ENO3: variants seen among roughly 807,000 people sequenced by gnomAD.
ENO3 encodes beta-enolase.
ENO3 carries 46 observed loss-of-function variants against 47.7 expected under a neutral mutation model. That is an observed-to-expected ratio of 0.96 (90% CI 0.76 to 1.23). The LOEUF is 1.23. ENO3 is among the 50% of genes most tolerant of loss of function. The pLI is 0.00. For missense variants in ENO3, 575 were observed against 566.2 expected, an observed-to-expected ratio of 1.02 and a Z score of -0.16; for synonymous variants, 223 against 225.9, an observed-to-expected ratio of 0.99 and a Z score of 0.11.
At chr17:4,955,010 CG>C in intron 6 of ENO3, 64 bp from the exon 7 acceptor site, 2 of 1,503,452 alleles carry the variant, frequency 1.3e-6, no homozygotes, top group Admixed American at 1.8e-5. Flanking sequence ...CAACACCCCC[CG>C]CCCCTGTCCC....
In ENO3 at chr17:4,956,994, G is replaced by A; in HGVS notation, c.1252G>A (p.Gly418Arg). The A allele has an allele frequency of 2.5e-6, 4 of 1,614,158 alleles. No homozygotes were observed. The highest frequency in any genetic ancestry group is 3.4e-6 in the Non-Finnish European group (4 of 1,180,026). Residue 418 changes from glycine to arginine, a missense_variant, in exon 12 of 12, where the codon GGG (glycine) becomes AGG (arginine). Transcript: ENST00000519602. The stretch of plus-strand genomic sequence containing the variant: ...GCATTCTAGGATCGAGGAGGCTCTT[G>A]GGGACAAGGCAATCTTTGCTGGACG... ...NQLMRIEEAL[G>R]DKAIFAGRKF... is the part of the protein sequence containing the mutation.
intron 6 of ENO3, among the ~76,000 whole-genome samples, chr17:4,954,702 C>T (rs949311075): frequency 4.6e-5 from 7 of 152,106 alleles, no homozygotes; most frequent in African/African-American, 1.7e-4. Context: ...ATCACAAGGT[C>T]AGGAGTTCGA....
In ENO3 at chr17:4,952,878, T is replaced by G; in HGVS notation, c.169T>G (p.Tyr57Asp). The change falls in exon 3 of 12, where the codon TAC becomes GAC. Residue 57 changes from tyrosine (Y) to aspartate (D), a missense_variant. Tyr to Asp is a radical substitution (Grantham distance 160, BLOSUM62 -3). Coordinates refer to ENST00000519602, the MANE Select transcript of ENO3 (RefSeq NM_053013.4). ...LELRDGDKGR[Y>D]LGKGVLKAVE... ...ACTAAGAGACGGAGACAAAGGCCGC[T>G]ACCTGGGGAAAGGTGAGGAGACACC... 6.2e-7 allele frequency: 1 copy of G among 1,612,476 alleles called. No individual in the cohort carries two copies. The highest frequency in any genetic ancestry group is 8.5e-7 in the Non-Finnish European group (1 of 1,179,134).
At chr17:4,953,391 CGA>C in intron 5 of ENO3, 50 bp downstream of exon 5, 2 of 1,611,394 alleles carry the variant, frequency 1.2e-6, no homozygotes, top group South Asian at 2.2e-5. Flanking sequence ...GGAGAGATGG[CGA>C]GAGGCCATGG....
chr17:4,951,792 A>T, intron 1 of ENO3, 36 bp from the exon 2 acceptor site: 1 of 1,604,748 alleles, frequency 6.2e-7, no homozygotes, highest in South Asian at 1.1e-5. Flanking sequence ...TTAAGAGATC[A>T]ACTGTCTACA....
At chr17:4,956,462 C>G in intron 9 of ENO3, 111 bp from the exon 10 acceptor site, 1 of 1,043,090 alleles carries the variant, frequency 9.6e-7, no homozygotes. Context: ...TAGTCACTGC[C>G]CTCCCTGCAG....
Position 4,951,202 on chromosome 17 carries a change from C to T in ENO3, c.-3+20C>T, listed in dbSNP as rs151277621. On this transcript the variant is annotated intron_variant, in intron 1 of 11. Transcript: ENST00000519602. ...TCCCAGGTCGGGTGAATCTTCCAGCCCTGGGGGTGGAGGTAGTAAAGGGTG... is the reference window on the plus strand; with the variant it reads ...TCCCAGGTCGGGTGAATCTTCCAGCTCTGGGGGTGGAGGTAGTAAAGGGTG... The T allele has an allele frequency of 7.1e-6, 7 of 991,270 alleles. No homozygotes were observed. The East Asian group carries it at 5.6e-4, about 79-fold the overall frequency. 61.4% of individuals were successfully genotyped at this position (991,270 alleles called of 1,614,324 possible).
chr17:4,956,800 C>T (rs370234261), intron 10 of ENO3, 31 bp from the exon 11 acceptor site: 110 of 1,614,092 alleles, frequency 6.8e-5, no homozygotes, highest in Non-Finnish European at 8.6e-5. Flanking sequence ...CCAGCCTCAC[C>T]TAACCCTCCA....
intron 1 of ENO3, among the ~76,000 whole-genome samples, chr17:4,951,412 C>A (rs1254757854): frequency 2.0e-5 from 3 of 152,052 alleles, no homozygotes; most frequent in African/African-American, 7.3e-5. Flanking sequence ...TAGAAAAGGG[C>A]AGCTAGAGCT....
rs763367650 is a variant in ENO3 at position 4,956,882 on chromosome 17, C to G, written c.1228C>G (p.Leu410Val). ...RSERLAKYNQ[L>V]MRIEEALGDK... ...GGAGCGTCTGGCCAAATACAACCAA[C>G]TCATGAGGTACAGCGGGAACAGTGG... Residue 410 changes from leucine (L) to valine (V), a missense_variant, in exon 11 of 12, where the codon CTC (leucine) becomes GTC (valine). Leu to Val is a conservative substitution (Grantham distance 32). Transcript: ENST00000519602. The G allele has an allele frequency of 6.2e-7, 1 of 1,614,244 alleles. No individual in the cohort carries two copies. The highest frequency in any genetic ancestry group is 1.7e-5 in the Admixed American group (1 of 60,026).
Position 4,952,909 on chromosome 17 carries a change from A to C in ENO3, c.181+19A>C. The stretch of plus-strand genomic sequence containing the variant: ...GGGAAAGGTGAGGAGACACCAGCGC[A>C]GAAGGAGCCTGTGTGGGCGGCTTTA... On this transcript the variant is annotated intron_variant, in intron 3 of 11. Transcript: ENST00000519602. The C allele has an allele frequency of 6.2e-7, 1 of 1,611,554 alleles. No individual in the cohort carries two copies.
chr17:4,952,097 G>A (rs1971557849), intron 2 of ENO3, 183 bp downstream of exon 2: 2 of 710,624 alleles, frequency 2.8e-6, no homozygotes, highest in Non-Finnish European at 5.0e-6. Context: ...GTCTCTCTCT[G>A]CACTGCCTCC....
intron 9 of ENO3, 25 bp from the exon 10 acceptor site, chr17:4,956,548 C>A: frequency 6.2e-7 from 1 of 1,612,600 alleles, no homozygotes; most frequent in Non-Finnish European, 8.5e-7. Context: ...TCTAGAAGGC[C>A]ACATCAAATG....
At position 4,955,418 on chromosome 17, in the gene ENO3, CT is replaced by C. The variant is rs1388776490; in HGVS notation, c.680del (p.Leu227ArgfsTer15). 1.9e-6 allele frequency: 3 copies of C among 1,614,062 alleles called. No homozygotes were observed. Among genetic ancestry groups the C allele is most frequent in the Non-Finnish European group, 2.5e-6 (3 of 1,180,000 alleles). On this transcript the variant is annotated frameshift_variant, in exon 8 of 12. Transcript: ENST00000519602. LOFTEE classifies it high-confidence loss of function. Reference sequence around the variant, plus strand: ...TGGTCCTCCCCCAGCCCTGGAGCTGCTGAAGACGGCCATCCAGGCGGCTGGT... The same window carrying C: ...TGGTCCTCCCCCAGCCCTGGAGCTGCGAAGACGGCCATCCAGGCGGCTGGT... ...ILENNEALELLKTAIQAAGYP... is the reference protein window; with the variant it reads ...ILENNEALELXKTAIQAAGYP...
chr17:4,949,593 G>A (rs1971482817), upstream of ENO3, among the ~76,000 whole-genome samples: 1 of 148,456 alleles, frequency 6.7e-6, no homozygotes, highest in African/African-American at 2.4e-5. Context: ...TCAGATGTGC[G>A]CTCACAGCCA....
At chr17:4,950,851 G>T (rs1971520144), upstream of ENO3, among the ~76,000 whole-genome samples, 1 of 152,246 alleles carries the variant, frequency 6.6e-6, no homozygotes, top group Non-Finnish European at 1.5e-5. Context: ...GGGGTGGGGG[G>T]AGACCCCTCA....
upstream of ENO3, chr17:4,950,309 G>A (rs973100786): frequency 4.6e-5 from 7 of 152,556 alleles, no homozygotes; most frequent in African/African-American, 1.7e-4. Context: ...TGGGGCGCCG[G>A]AAGAGCCCCA....
At position 4,951,887 on chromosome 17, in the gene ENO3, G is replaced by A. The variant is rs1971551277; in HGVS notation, c.58G>A (p.Val20Met). The A allele has an allele frequency of 3.1e-6, 5 of 1,614,174 alleles. No individual in the cohort carries two copies. The highest frequency in any genetic ancestry group is 4.2e-6 in the Non-Finnish European group (5 of 1,180,016). ...EILDSRGNPT[V>M]EVDLHTAKGR... is the part of the protein sequence containing the mutation. ...CTTGGACTCCAGGGGCAACCCCACG[G>A]TGGAGGTGGACCTGCACACGGCCAA... Residue 20 changes from valine to methionine, a missense_variant, in exon 2 of 12, where the codon GTG becomes ATG. Transcript: ENST00000519602.
rs941236828 is a variant in ENO3 at position 4,953,740 on chromosome 17, C to T, written c.339C>T (p.Gly113=). 3.1e-6 allele frequency: 5 copies of T among 1,614,240 alleles called. No individual in the cohort carries two copies. The highest frequency in any genetic ancestry group is 1.6e-4 in the Middle Eastern group (1 of 6,062). The change falls in exon 6 of 12, where the codon GGC becomes GGT. Residue 113 remains glycine, a synonymous_variant. Transcript: ENST00000519602. ...AGTTTGGGGCCAATGCCATCCTGGG[C>T]GTGTCCTTGGCCGTGTGTAAGGCGG... is the stretch of plus-strand genomic sequence containing the variant. The part of the protein sequence containing the change: ...KSKFGANAIL[G]VSLAVCKAGA...
Sources: allele counts gnomAD v4.1 joint callset (sites outside exome capture counted in the v4.1 genomes callset), GRCh38; gene constraint gnomAD v4.1.1; transcripts MANE v1.5; gene names NCBI Gene and HGNC (gene_info 2026-07-23, HGNC 2026-07-21).